SCAP: variants seen among roughly 807,000 people sequenced by gnomAD.
SCAP encodes the protein SREBF chaperone.
SCAP carries 65 observed loss-of-function variants against 123.6 expected under a neutral mutation model. That is an observed-to-expected ratio of 0.53 (90% CI 0.43 to 0.65). The LOEUF (loss-of-function observed/expected upper bound fraction) is 0.65, where lower values mean the gene tolerates loss of function less well. Among genes scored for constraint, SCAP ranks in the 30% least tolerant of loss-of-function variants. The probability of loss-of-function intolerance (pLI) is 0.00; values close to 1 mark genes in which losing one functional copy is unlikely to be tolerated. For missense variants in SCAP, 1,398 were observed against 1,712.5 expected (o/e 0.82, Z 3.24); for synonymous variants, 740 against 726.3 (o/e 1.02, Z -0.30).
chr3:47,434,335 C>T (rs1706483915), intron 3 of SCAP, among the ~76,000 whole-genome samples: 2 of 152,220 alleles, frequency 1.3e-5, no homozygotes, highest in African/African-American at 4.8e-5. Context: ...CCACACCTGA[C>T]AGGCAAAAGG....
At chr3:47,428,252 G>A (rs558849594) in intron 4 of SCAP, among the ~76,000 whole-genome samples, 1 of 152,262 alleles carries the variant, frequency 6.6e-6, no homozygotes, top group South Asian at 2.1e-4. Context: ...TCATGAGTTA[G>A]CACAGTGGAC....
chr3:47,468,725 T>G (rs1707924786), intron 1 of SCAP, among the ~76,000 whole-genome samples: 2 of 152,206 alleles, frequency 1.3e-5, no homozygotes, highest in Non-Finnish European at 2.9e-5. Context: ...TTAGTTTAAT[T>G]AGATCCCATT....
chr3:47,420,611 C>T lies in SCAP; in HGVS notation c.1506G>A (p.Lys502=), dbSNP rs1576256021. The T allele has an allele frequency of 3.1e-6, 5 of 1,612,146 alleles. No homozygotes were observed. Among genetic ancestry groups the T allele is most frequent in the Non-Finnish European group, 3.4e-6 (4 of 1,179,872 alleles). ...CCAGGAAGTAGACAACACGCAGCCTCTTGGGGAGCCGCAGGTTTCGGAAGG... is the reference window on the plus strand; with the variant it reads ...CCAGGAAGTAGACAACACGCAGCCTTTTGGGGAGCCGCAGGTTTCGGAAGG... ...PSSFRNLRLP[K]RLRVVYFLAR... Residue 502 remains lysine (K), a synonymous_variant, in exon 12 of 23, where the codon AAG becomes AAA. Transcript: ENST00000265565. The surrounding 1 kb of genome is among the most constrained non-coding windows in gnomAD (Gnocchi z 5.0).
intron 1 of SCAP, among the ~76,000 whole-genome samples, chr3:47,444,419 G>A (rs780779658): frequency 2.2e-4 from 34 of 152,172 alleles, no homozygotes; most frequent in Non-Finnish European, 3.7e-4. Context: ...CCTATTGCTC[G>A]TTCTACCTTT....
intron 2 of SCAP, among the ~76,000 whole-genome samples, chr3:47,440,291 G>T (rs567876749): frequency 6.6e-6 from 1 of 152,276 alleles, no homozygotes; most frequent in South Asian, 2.1e-4. Flanking sequence ...GAAGAAGGGG[G>T]CACTGCTCTG....
intron 10 of SCAP, chr3:47,421,408 C>T (rs539715562): frequency 6.4e-4 from 140 of 219,368 alleles, no homozygotes; most frequent in South Asian, 3.5e-3. Flanking sequence ...CATCACCAAC[C>T]CAGCTAGAGC....
In SCAP at chr3:47,420,935, A is replaced by G; in HGVS notation, c.1340T>C (p.Met447Thr). 1 of 1,613,704 alleles carries G rather than the reference A, an allele frequency of 6.2e-7. No homozygotes were observed. The highest frequency in any genetic ancestry group is 8.5e-7 in the Non-Finnish European group (1 of 1,179,812). The change falls in exon 11 of 23, where the codon ATG becomes ACG. Residue 447 changes from methionine to threonine, a missense_variant. Transcript: ENST00000265565. The surrounding 1 kb of genome is among the most constrained non-coding windows in gnomAD (Gnocchi z 5.0). ...CAGGGCTCAGCCCACTCCTACCTCC[A>G]TCCGGCGAATGTCAATGGACAGGAC... ...TTVLSIDIRR[M>T]ELADLNKRLP...
chr3:47,449,365 G>GTACCTCCCACAACTGTGAC (rs1275975459), intron 1 of SCAP, among the ~76,000 whole-genome samples: 1 of 123,572 alleles, frequency 8.1e-6, no homozygotes, highest in African/African-American at 2.8e-5. Context: ...AACCTGCTGA[G>GTACCTCCCACAACTGTGAC]TACCTCCCAC....
chr3:47,434,894 A>C, intron 3 of SCAP, 114 bp downstream of exon 3: 2 of 1,304,168 alleles, frequency 1.5e-6, no homozygotes, highest in Non-Finnish European at 2.2e-6. Flanking sequence ...CTGTTAAAGT[A>C]CATGAATTCA....
Position 47,414,167 on chromosome 3 carries a change from C to A in SCAP, c.3594+13G>T. 6.2e-7 allele frequency: 1 copy of A among 1,613,672 alleles called. No homozygotes were observed. Among genetic ancestry groups the A allele is most frequent in the Non-Finnish European group, 8.5e-7 (1 of 1,180,022 alleles). ...TAAAATCCCAAGAATCCTATGATCC[C>A]CATCCCCTCTACCTGCTGAATGGAG... On this transcript the variant is annotated intron_variant, in intron 22 of 22. Transcript: ENST00000265565.
At chr3:47,471,090 T>C (rs1708009669) in intron 1 of SCAP, among the ~76,000 whole-genome samples, 1 of 152,212 alleles carries the variant, frequency 6.6e-6, no homozygotes, top group African/African-American at 2.4e-5. Flanking sequence ...TTTGGATGTA[T>C]ATTTGAGTTT....
At chr3:47,473,381 G>C (rs949526569) in intron 1 of SCAP, among the ~76,000 whole-genome samples, 4 of 152,150 alleles carry the variant, frequency 2.6e-5, no homozygotes, top group African/African-American at 9.7e-5. Flanking sequence ...AGTGGCAAAA[G>C]ACGACACCTG....
chr3:47,465,169 T>A (rs539896590), intron 1 of SCAP, among the ~76,000 whole-genome samples: 134 of 129,640 alleles, frequency 1.0e-3, no homozygotes, highest in Non-Finnish European at 1.8e-3. Flanking sequence ...GATGATATTC[T>A]TTTTTTTTTT....
At chr3:47,416,483 T>C (rs574542593) in intron 18 of SCAP, among the ~76,000 whole-genome samples, 8 of 152,136 alleles carry the variant, frequency 5.3e-5, no homozygotes, top group Non-Finnish European at 1.0e-4. Context: ...ATTGACAAGC[T>C]AATCAGAGAA....
chr3:47,468,414 A>G (rs1707912547), intron 1 of SCAP, among the ~76,000 whole-genome samples: 2 of 152,068 alleles, frequency 1.3e-5, no homozygotes, highest in African/African-American at 4.8e-5. Context: ...TCCCCATTCT[A>G]ACTGGTGTGA....
chr3:47,419,543 A>T lies in SCAP; in HGVS notation c.1725T>A (p.Pro575=). Residue 575 remains proline (P), a synonymous_variant, in exon 13 of 23, where the codon CCT becomes CCA. Coordinates refer to ENST00000265565, the MANE Select transcript of SCAP (RefSeq NM_012235.4). This position sits in a 1 kb window ranked among gnomAD's most constrained non-coding sequence, Gnocchi z 5.0. ...SGMLPPSHPD[P]AFSIFPPDAP... is the part of the protein sequence containing the mutation. Reference sequence around the variant, plus strand: ...CATCAGGTGGGAAGATGGAGAAGGCAGGGTCCGGGTGGCTGGGGGGCAGCA... The same window carrying T: ...CATCAGGTGGGAAGATGGAGAAGGCTGGGTCCGGGTGGCTGGGGGGCAGCA... The T allele has an allele frequency of 6.2e-7, 1 of 1,613,722 alleles. No homozygotes were observed. Among genetic ancestry groups the T allele is most frequent in the Non-Finnish European group, 8.5e-7 (1 of 1,179,846 alleles).
Position 47,418,486 on chromosome 3 carries a change from C to T in SCAP, c.2166G>A (p.Leu722=). The change falls in exon 15 of 23, where the codon TTG becomes TTA. Residue 722 remains leucine, a synonymous_variant. Transcript: ENST00000265565. Reference sequence around the variant, plus strand: ...GGTAGAGGCAGAGCAGCAGCAGCACCAAGACGATGCCGGTGGCCAGGCCCA... The same window carrying T: ...GGTAGAGGCAGAGCAGCAGCAGCACTAAGACGATGCCGGTGGCCAGGCCCA... ...AALGLATGIV[L]VLLLLCLYRV... The T allele has an allele frequency of 4.4e-6, 7 of 1,600,122 alleles. No homozygotes were observed. The highest frequency in any genetic ancestry group is 6.0e-6 in the Non-Finnish European group (7 of 1,175,008).
intron 7 of SCAP, among the ~76,000 whole-genome samples, 175 bp from the exon 8 acceptor site, chr3:47,425,786 AC>A (rs1235061018): frequency 6.6e-6 from 1 of 151,824 alleles, no homozygotes; most frequent in Non-Finnish European, 1.5e-5. Flanking sequence ...CCTTTTAGGA[AC>A]CCTAACCCAG....
intron 1 of SCAP, among the ~76,000 whole-genome samples, chr3:47,472,129 AAAT>A (rs780398634): frequency 1.6e-4 from 24 of 151,492 alleles, no homozygotes; most frequent in Admixed American, 1.3e-3. Flanking sequence ...CATCTCAAAA[AAAT>A]AATAATAATA....
Sources: allele counts gnomAD v4.1 joint callset (sites outside exome capture counted in the v4.1 genomes callset), GRCh38; gene constraint gnomAD v4.1.1; non-coding constraint Gnocchi (gnomAD v3.1); transcripts MANE v1.5; gene names NCBI Gene and HGNC (gene_info 2026-07-23, HGNC 2026-07-21).